Variants in TMEM132B observed in about 807,000 individuals in gnomAD.
TMEM132B encodes transmembrane protein 132B.
In TMEM132B, 18 loss-of-function variants were observed where a neutral mutation model predicts 90.8. The observed-to-expected ratio is 0.20, with a 90% CI of 0.14 to 0.29. TMEM132B has a LOEUF of 0.29. TMEM132B is among the 10% of genes least tolerant of loss of function. The probability of loss-of-function intolerance (pLI) is 1.00; values close to 1 mark genes in which losing one functional copy is unlikely to be tolerated. For missense variants in TMEM132B, 1,096 were observed against 1,326.8 expected (o/e 0.83, Z 2.70); for synonymous variants, 504 against 523.3 (o/e 0.96, Z 0.50).
intron 5 of TMEM132B, among the ~76,000 whole-genome samples, chr12:125,609,284 T>C (rs148936396): frequency 2.5e-4 from 38 of 152,322 alleles, no homozygotes; most frequent in African/African-American, 9.1e-4. Flanking sequence ...CATTGAATCA[T>C]ATGTCTATCT....
In TMEM132B at chr12:125,660,722, A is replaced by T. The variant is rs537092987; in HGVS notation, c.*6012A>T. The T allele has an allele frequency of 3.9e-5, 6 of 152,350 alleles. No individual in the cohort carries two copies. The East Asian group carries it at 1.2e-3, about 29-fold the overall frequency. 9.4% of individuals were successfully genotyped at this position (152,350 alleles called of 1,614,324 possible). On this transcript the variant is annotated 3_prime_UTR_variant, in exon 9 of 9. Transcript: ENST00000682704. ...CAAGCAATAATGTTATCAACTTACA[A>T]TATTGGACAATCTTCATATTCTATG... is the stretch of plus-strand genomic sequence containing the variant.
chr12:125,369,534 A>C lies in TMEM132B; in HGVS notation c.959+19191A>C, dbSNP rs192220435. ...AAAAGAGCTCTTGAATGAATCCTGA[A>C]GGACTCCAACATTTGATAGGTTGAT... is the stretch of plus-strand genomic sequence containing the variant. On this transcript the variant is annotated intron_variant, in intron 2 of 8. Coordinates refer to ENST00000682704, the MANE Select transcript of TMEM132B (RefSeq NM_001366854.1). 4.2e-4 allele frequency among the ~76,000 whole-genome samples: 64 copies of C among 152,312 alleles called. 1 individual carries two copies. The East Asian group carries it at 0.011, about 26-fold the overall frequency.
chr12:125,280,751 T>C (rs1256178058), intron 1 of TMEM132B, among the ~76,000 whole-genome samples: 1 of 152,206 alleles, frequency 6.6e-6, no homozygotes, highest in Non-Finnish European at 1.5e-5. Flanking sequence ...GGGCAGATAG[T>C]ACAACTCTTC....
intron 5 of TMEM132B, among the ~76,000 whole-genome samples, chr12:125,641,530 A>G (rs1221416111): frequency 6.6e-6 from 1 of 152,208 alleles, no homozygotes; most frequent in Admixed American, 6.5e-5. Context: ...TTTTAAGGGT[A>G]TGCATGTCCC....
intron 2 of TMEM132B, among the ~76,000 whole-genome samples, chr12:125,365,741 A>G (rs1878112717): frequency 6.6e-6 from 1 of 151,986 alleles, no homozygotes; most frequent in Non-Finnish European, 1.5e-5. Flanking sequence ...TGATTTAAAA[A>G]TTATATTATA....
intron 1 of TMEM132B, among the ~76,000 whole-genome samples, chr12:125,208,941 A>AG (rs1321838046): frequency 1.3e-5 from 2 of 152,180 alleles, no homozygotes; most frequent in East Asian, 3.9e-4. Flanking sequence ...GAGGGTGCTC[A>AG]GGCCTCGGGC....
intron 3 of TMEM132B, among the ~76,000 whole-genome samples, chr12:125,497,310 AAT>A (rs1882587122): frequency 6.6e-6 from 1 of 152,194 alleles, no homozygotes; most frequent in Non-Finnish European, 1.5e-5. Flanking sequence ...GATGCCATTC[AAT>A]GTTATAGCAA....
chr12:125,604,501 G>C (rs77671066), intron 5 of TMEM132B, among the ~76,000 whole-genome samples: 1 of 151,990 alleles, frequency 6.6e-6, no homozygotes, highest in Non-Finnish European at 1.5e-5. Flanking sequence ...ATGCATGCAG[G>C]GCTTAAAACC....
chr12:125,556,848 G>A (rs1233918139), intron 4 of TMEM132B, among the ~76,000 whole-genome samples: 4 of 152,184 alleles, frequency 2.6e-5, no homozygotes, highest in East Asian at 1.9e-4. Flanking sequence ...TCTGCCTCCC[G>A]GGTTCACGCC....
chr12:125,643,766 T>TA (rs1886688172), intron 5 of TMEM132B, among the ~76,000 whole-genome samples: 1 of 152,066 alleles, frequency 6.6e-6, no homozygotes, highest in African/African-American at 2.4e-5. Context: ...TTTGAGTACC[T>TA]AAAAAAGGTA....
At chr12:125,559,163 T>C (rs4765051) in intron 4 of TMEM132B, among the ~76,000 whole-genome samples, 141,639 of 152,268 alleles carry the variant, frequency 0.93, 65,898 homozygotes, top group Middle Eastern at 0.96. Context: ...GCCAGGAGCT[T>C]AAGACCAGCC....
intron 3 of TMEM132B, among the ~76,000 whole-genome samples, chr12:125,451,569 A>T (rs1309656832): frequency 3.3e-5 from 5 of 151,758 alleles, no homozygotes; most frequent in Non-Finnish European, 7.4e-5. Flanking sequence ...TTAAAACATT[A>T]AGATTATGCC....
At chr12:125,355,017 T>C (rs139594983) in intron 2 of TMEM132B, among the ~76,000 whole-genome samples, 2,354 of 152,038 alleles carry the variant, frequency 0.015, 27 homozygotes, top group Non-Finnish European at 0.018. Context: ...GGAATTGGGG[T>C]GCAGGCCTGC....
intron 5 of TMEM132B, among the ~76,000 whole-genome samples, chr12:125,589,218 C>A (rs560774860): frequency 6.6e-6 from 1 of 152,036 alleles, no homozygotes; most frequent in Non-Finnish European, 1.5e-5. Context: ...CACGGTGGCT[C>A]ACGCCTGTAA....
intron 1 of TMEM132B, among the ~76,000 whole-genome samples, chr12:125,219,909 C>T (rs1873521702): frequency 6.6e-6 from 1 of 152,208 alleles, no homozygotes; most frequent in Admixed American, 6.5e-5. Context: ...CTGAGGGACC[C>T]CCTTTTACAT....
intron 1 of TMEM132B, among the ~76,000 whole-genome samples, chr12:125,231,346 A>G (rs923579223): frequency 2.2e-4 from 33 of 151,902 alleles, no homozygotes; most frequent in African/African-American, 8.0e-4. Flanking sequence ...CCAAGGCTGT[A>G]TTTTCTGGGC....
intron 4 of TMEM132B, among the ~76,000 whole-genome samples, chr12:125,536,764 C>T (rs1032660300): frequency 5.9e-5 from 9 of 152,076 alleles, no homozygotes; most frequent in Non-Finnish European, 1.2e-4. Context: ...AAGATGCCCA[C>T]ATGTGAATTC....
intron 3 of TMEM132B, among the ~76,000 whole-genome samples, chr12:125,515,119 C>T (rs1158171851): frequency 6.6e-6 from 1 of 152,154 alleles, no homozygotes; most frequent in Non-Finnish European, 1.5e-5. Context: ...CGGATTCCTC[C>T]TAACACACGC....
At chr12:125,424,288 T>C (rs1880253166) in intron 3 of TMEM132B, among the ~76,000 whole-genome samples, 1 of 152,188 alleles carries the variant, frequency 6.6e-6, no homozygotes. Flanking sequence ...CGTGATGCGT[T>C]TTTAAGTTCT....
Sources: gnomAD v4.1 joint callset for allele counts (sites outside exome capture counted in the v4.1 genomes callset) on GRCh38, gnomAD v4.1.1 for gene constraint, MANE v1.5 for transcripts, NCBI Gene and HGNC (gene_info 2026-07-23, HGNC 2026-07-21) for gene names.